Variants in ELMO1 observed in about 807,000 individuals in gnomAD.
ELMO1 encodes the protein engulfment and cell motility protein 1.
A neutral mutation model predicts 98.9 loss-of-function variants in ELMO1; 26 were observed. The observed-to-expected ratio is 0.26, with a 90% CI of 0.19 to 0.36. ELMO1 has a LOEUF of 0.36. ELMO1 is among the 10% of genes least tolerant of loss of function. The pLI, the probability that ELMO1 is intolerant of heterozygous loss-of-function variation, is 1.00. For synonymous variants in ELMO1, 346 were observed against 346.0 expected (o/e 1.00, Z 0.00); for missense variants, 627 against 935.2 (o/e 0.67, Z 4.30).
At chr7:37,264,317 A>G (rs1796137319) in intron 5 of ELMO1, among the ~76,000 whole-genome samples, 1 of 151,756 alleles carries the variant, frequency 6.6e-6, no homozygotes, top group African/African-American at 2.4e-5. Flanking sequence ...ATATATATGA[A>G]CCTATAAATG....
At chr7:37,252,807 G>A (rs1468871481) in intron 6 of ELMO1, among the ~76,000 whole-genome samples, 2 of 151,868 alleles carry the variant, frequency 1.3e-5, no homozygotes, top group Non-Finnish European at 2.9e-5. Context: ...TACAGAATGG[G>A]AGAAAAATTT....
intron 16 of ELMO1, among the ~76,000 whole-genome samples, chr7:36,949,836 C>T (rs1373706408): frequency 6.6e-6 from 1 of 152,204 alleles, no homozygotes; most frequent in African/African-American, 2.4e-5. Context: ...AAAACTATCT[C>T]CAGACATTGC....
intron 1 of ELMO1, among the ~76,000 whole-genome samples, chr7:37,344,417 C>T (rs1800888716): frequency 6.6e-6 from 1 of 152,332 alleles, no homozygotes; most frequent in South Asian, 2.1e-4. Context: ...ATTCTTTTCA[C>T]AGCTACATAG....
intron 13 of ELMO1, among the ~76,000 whole-genome samples, chr7:37,157,150 T>C (rs1788834106): frequency 6.6e-6 from 1 of 152,182 alleles, no homozygotes; most frequent in Non-Finnish European, 1.5e-5. Context: ...AAAATAGGTA[T>C]TGATGGAATG....
intron 1 of ELMO1, among the ~76,000 whole-genome samples, chr7:37,350,380 T>A (rs549492105): frequency 6.6e-6 from 1 of 152,288 alleles, no homozygotes; most frequent in African/African-American, 2.4e-5. Context: ...AATGGAAACT[T>A]GCAGAGAAAA....
intron 13 of ELMO1, among the ~76,000 whole-genome samples, chr7:37,176,765 C>T (rs2129916627): frequency 6.6e-6 from 1 of 152,274 alleles, no homozygotes; most frequent in East Asian, 1.9e-4. Flanking sequence ...ACATGGAACA[C>T]ATTTTCTTTT....
intron 16 of ELMO1, among the ~76,000 whole-genome samples, chr7:36,937,023 T>C (rs1004533413): frequency 6.6e-6 from 1 of 152,180 alleles, no homozygotes; most frequent in East Asian, 1.9e-4. Flanking sequence ...ATCACTGGCA[T>C]TTTAAATGTT....
rs200982685 is a variant in ELMO1, at chr7:37,224,993, G to A, written c.587C>T (p.Ser196Leu). Residue 196 changes from serine (S) to leucine (L), a missense_variant, in exon 9 of 22, where the codon TCG (serine) becomes TTG (leucine). By Grantham distance (145) the Ser-to-Leu change is moderately radical. Coordinates refer to ENST00000310758, the MANE Select transcript of ELMO1 (RefSeq NM_014800.11). ...SFVNKSAIDISILQRSLAILE... is the reference protein window; with the variant it reads ...SFVNKSAIDILILQRSLAILE... ...AATGGCCAAGGACCGCTGCAGGATC[G>A]AGATGTCTATGGCTGACTTGTTCAC... 27 of 1,613,994 alleles carry A rather than the reference G, an allele frequency of 1.7e-5. No homozygotes were observed. Among genetic ancestry groups the A allele is most frequent in the African/African-American group, 8.0e-5 (6 of 74,906 alleles).
At chr7:37,172,636 A>C (rs572923714) in intron 13 of ELMO1, among the ~76,000 whole-genome samples, 1 of 152,348 alleles carries the variant, frequency 6.6e-6, no homozygotes, top group East Asian at 1.9e-4. Context: ...TTAGGATATT[A>C]GAGTCTATAG....
At chr7:36,943,095 C>A (rs1473033836) in intron 16 of ELMO1, among the ~76,000 whole-genome samples, 1 of 152,190 alleles carries the variant, frequency 6.6e-6, no homozygotes, top group African/African-American at 2.4e-5. Context: ...ATGGTGAGGG[C>A]TACTGCCTCA....
chr7:37,117,133 GGGTCACTCAGCCTACA>G (rs1785653131), intron 14 of ELMO1: 1 of 207,306 alleles, frequency 4.8e-6, no homozygotes, highest in Non-Finnish European at 1.0e-5. Context: ...TCCAACCTGC[GGGTCACTCAGCCTACA>G]GTTGGGATAA....
chr7:37,013,149 T>C, intron 16 of ELMO1, 150 bp downstream of exon 16: 1 of 1,023,494 alleles, frequency 9.8e-7, no homozygotes, highest in Non-Finnish European at 1.4e-6. Flanking sequence ...ACAGGGATGT[T>C]TGTCTTTCTC....
At chr7:37,135,568 G>T (rs1787213732) in intron 13 of ELMO1, among the ~76,000 whole-genome samples, 1 of 152,190 alleles carries the variant, frequency 6.6e-6, no homozygotes. Context: ...GCAGACACTT[G>T]CCAGTACCAG....
rs148352214 is a variant in ELMO1, at chr7:37,340,357, C to A, written c.78+2256G>T. On this transcript the variant is annotated intron_variant, in intron 2 of 21. Transcript: ENST00000310758. Reference sequence around the variant, plus strand: ...GTTCAGAAAAAGTAGGTACAGAGTTCTTTGTACTATCCTGGCAATTTTTGT... The same window carrying A: ...GTTCAGAAAAAGTAGGTACAGAGTTATTTGTACTATCCTGGCAATTTTTGT... 3.0e-3 allele frequency among the ~76,000 whole-genome samples: 455 copies of A among 152,280 alleles called. 5 individuals carry two copies. Among genetic ancestry groups the A allele is most frequent in the African/African-American group, 0.011 (443 of 41,558 alleles).
At position 37,287,900 on chromosome 7, in the gene ELMO1, A is replaced by G. The variant is rs182432058; in HGVS notation, c.193-16018T>C. 2.1e-3 allele frequency among the ~76,000 whole-genome samples: 324 copies of G among 152,118 alleles called. 2 individuals are homozygous for G. The highest frequency in any genetic ancestry group is 2.3e-3 in the Non-Finnish European group (159 of 68,004). ...TCTGCTGGCTGTTTCTTTTCCTACAATGCTAGGGTCTGGCTCCCTGTTATC... is the reference window on the plus strand; with the variant it reads ...TCTGCTGGCTGTTTCTTTTCCTACAGTGCTAGGGTCTGGCTCCCTGTTATC... On this transcript the variant is annotated intron_variant, in intron 4 of 21. Coordinates refer to ENST00000310758, the MANE Select transcript of ELMO1 (RefSeq NM_014800.11).
At chr7:37,061,137 A>G (rs1796647564) in intron 15 of ELMO1, among the ~76,000 whole-genome samples, 1 of 152,206 alleles carries the variant, frequency 6.6e-6, no homozygotes, top group South Asian at 2.1e-4. Context: ...CCAGAAACAG[A>G]TTAATGGGGA....
chr7:37,340,295 G>A (rs1800645977), intron 2 of ELMO1, among the ~76,000 whole-genome samples: 1 of 152,212 alleles, frequency 6.6e-6, no homozygotes, highest in Non-Finnish European at 1.5e-5. Flanking sequence ...GTGTTCAGGG[G>A]TGAAGGGGGA....
intron 8 of ELMO1, among the ~76,000 whole-genome samples, chr7:37,231,064 G>A (rs1794146467): frequency 6.6e-6 from 1 of 152,120 alleles, no homozygotes; most frequent in Admixed American, 6.6e-5. Flanking sequence ...GCAAAAAGGG[G>A]CCTCTTCCTT....
intron 7 of ELMO1, among the ~76,000 whole-genome samples, chr7:37,240,515 CT>C (rs533668042): frequency 3.7e-4 from 56 of 151,520 alleles, no homozygotes; most frequent in Non-Finnish European, 6.0e-4. Context: ...TCTTATTATT[CT>C]TTTTTTCTAC....
Sources: allele counts gnomAD v4.1 joint callset (sites outside exome capture counted in the v4.1 genomes callset), GRCh38; gene constraint gnomAD v4.1.1; transcripts MANE v1.5; gene names NCBI Gene and HGNC (gene_info 2026-07-23, HGNC 2026-07-21).